The following DAB1 variants were observed in gnomAD, a reference collection of about 807,000 sequenced individuals.
DAB1 encodes the protein DAB adaptor protein 1.
In DAB1, 15 loss-of-function variants were observed where a neutral mutation model predicts 64.6. That is an observed-to-expected ratio of 0.23 (90% CI 0.16 to 0.36). DAB1 has a LOEUF of 0.36. Among genes scored for constraint, DAB1 ranks in the 10% least tolerant of loss-of-function variants. DAB1 has a pLI of 1.00. For synonymous variants in DAB1, 235 were observed against 251.9 expected (o/e 0.93, Z 0.64); for missense variants, 596 against 706.7 (o/e 0.84, Z 1.78).
chr1:58,265,271 A>T (rs1661133992), intron 4 of DAB1, among the ~76,000 whole-genome samples: 1 of 152,232 alleles, frequency 6.6e-6, no homozygotes, highest in South Asian at 2.1e-4. Context: ...CAGACCACAG[A>T]TTCAATCCCA....
intron 4 of DAB1, among the ~76,000 whole-genome samples, chr1:57,123,784 A>C (rs1034167527): frequency 1.3e-5 from 2 of 152,186 alleles, no homozygotes; most frequent in African/African-American, 4.8e-5. Flanking sequence ...GATAAGTAAA[A>C]AATAGGTTAC....
At chr1:57,242,674 C>T (rs1668579302) in intron 2 of DAB1, among the ~76,000 whole-genome samples, 1 of 152,148 alleles carries the variant, frequency 6.6e-6, no homozygotes, top group African/African-American at 2.4e-5. Flanking sequence ...AACAGAGTTT[C>T]CTCAACTCTT....
chr1:57,484,491 A>G (rs1042592287), intron 7 of DAB1, among the ~76,000 whole-genome samples: 4 of 152,148 alleles, frequency 2.6e-5, no homozygotes, highest in African/African-American at 9.7e-5. Flanking sequence ...TTTGATTCCA[A>G]TTTATTTATT....
At chr1:57,600,334 A>C (rs1288063451) in intron 7 of DAB1, among the ~76,000 whole-genome samples, 1 of 152,232 alleles carries the variant, frequency 6.6e-6, no homozygotes, top group Admixed American at 6.5e-5. Flanking sequence ...AGTCTAGAGA[A>C]AAATAAAAAA....
chr1:57,040,948 T>C (rs1036370191), intron 9 of DAB1, among the ~76,000 whole-genome samples: 2 of 152,200 alleles, frequency 1.3e-5, no homozygotes, highest in African/African-American at 4.8e-5. Context: ...CTTTCTTTGC[T>C]GCTGTGCCTC....
intron 6 of DAB1, among the ~76,000 whole-genome samples, chr1:57,709,640 T>C (rs1282329002): frequency 6.6e-6 from 1 of 151,994 alleles, no homozygotes; most frequent in Non-Finnish European, 1.5e-5. Flanking sequence ...AGAAAATGGG[T>C]TGCTGGTTCT....
upstream of DAB1, among the ~76,000 whole-genome samples, chr1:57,424,240 CGG>C (rs1438896080): frequency 2.0e-5 from 3 of 151,034 alleles, no homozygotes; most frequent in Non-Finnish European, 4.4e-5. Flanking sequence ...CCCCTCGCCC[CGG>C]CCTCGCGGCT....
At chr1:58,392,649 C>T (rs1436838445) in intron 3 of DAB1, among the ~76,000 whole-genome samples, 1 of 152,212 alleles carries the variant, frequency 6.6e-6, no homozygotes, top group Non-Finnish European at 1.5e-5. Context: ...CTCCTTTCTC[C>T]TCTCACCATC....
At chr1:57,191,927 A>C (rs674535) in intron 2 of DAB1, among the ~76,000 whole-genome samples, 29,668 of 151,830 alleles carry the variant, frequency 0.2, 5,064 homozygotes, top group African/African-American at 0.44. Context: ...GAAATTGAAC[A>C]GAGGGCCATA....
chr1:57,515,089 C>T (rs956200477), intron 7 of DAB1, among the ~76,000 whole-genome samples: 4 of 151,686 alleles, frequency 2.6e-5, no homozygotes. Flanking sequence ...CTCAACCATG[C>T]TGCAATTATT....
At chr1:58,341,294 T>C (rs1196397990) in intron 4 of DAB1, among the ~76,000 whole-genome samples, 1 of 152,112 alleles carries the variant, frequency 6.6e-6, no homozygotes, top group Non-Finnish European at 1.5e-5. Context: ...TCTGAAGCCG[T>C]AACAGGAGGA....
chr1:57,296,691 C>T (rs926809584), intron 1 of DAB1, among the ~76,000 whole-genome samples: 6 of 151,866 alleles, frequency 4.0e-5, no homozygotes, highest in Non-Finnish European at 7.4e-5. Flanking sequence ...AATAGAAATC[C>T]ACAAATCTAT....
chr1:57,184,300 G>A (rs1663300291), intron 2 of DAB1, among the ~76,000 whole-genome samples: 1 of 152,146 alleles, frequency 6.6e-6, no homozygotes, highest in South Asian at 2.1e-4. Context: ...AATACATTTA[G>A]GAGAAAAAGG....
At chr1:57,821,174 A>G (rs1166898891), downstream of DAB1, among the ~76,000 whole-genome samples, 3 of 152,182 alleles carry the variant, frequency 2.0e-5, no homozygotes, top group Non-Finnish European at 4.4e-5. Context: ...CTTTTTCCAC[A>G]GATGCACCAT....
At chr1:57,515,948 T>C (rs948519932) in intron 7 of DAB1, among the ~76,000 whole-genome samples, 3 of 152,360 alleles carry the variant, frequency 2.0e-5, no homozygotes, top group Admixed American at 2.0e-4. Flanking sequence ...CATTTACCCA[T>C]TGAAGATTCC....
chr1:57,075,556 GA>G (rs1239671180), intron 4 of DAB1, among the ~76,000 whole-genome samples: 8 of 152,248 alleles, frequency 5.3e-5, no homozygotes, highest in African/African-American at 1.9e-4. Flanking sequence ...AAATACATTA[GA>G]ATTCTGCTAA....
intron 4 of DAB1, among the ~76,000 whole-genome samples, chr1:57,099,936 G>A (rs562008001): frequency 1.2e-4 from 19 of 152,326 alleles, no homozygotes; most frequent in East Asian, 7.7e-4. Flanking sequence ...AACTGAGAGC[G>A]TTGGCTAGTA....
At chr1:57,055,535 C>A (rs1035127837) in intron 9 of DAB1, among the ~76,000 whole-genome samples, 30 of 152,152 alleles carry the variant, frequency 2.0e-4, no homozygotes, top group Non-Finnish European at 3.2e-4. Flanking sequence ...TATACCTGGG[C>A]CCTAGCTCAT....
At chr1:57,667,134 CACAA>C (rs760085672) in intron 6 of DAB1, among the ~76,000 whole-genome samples, 1 of 152,186 alleles carries the variant, frequency 6.6e-6, no homozygotes, top group African/African-American at 2.4e-5. Flanking sequence ...TCCATCTAAT[CACAA>C]ACAAATTCTT....
Sources: allele counts gnomAD v4.1 joint callset (sites outside exome capture counted in the v4.1 genomes callset), GRCh38; gene constraint gnomAD v4.1.1; transcripts MANE v1.5; gene names NCBI Gene and HGNC (gene_info 2026-07-23, HGNC 2026-07-21).